NKAIN2: variants seen among roughly 807,000 people sequenced by gnomAD.
The protein encoded by NKAIN2 is sodium/potassium transporting ATPase interacting 2.
Under a neutral mutation model 32.6 loss-of-function variants are expected in NKAIN2, and 14 were observed. That is an observed-to-expected ratio of 0.43 (90% CI 0.28 to 0.67). The LOEUF (loss-of-function observed/expected upper bound fraction) is 0.67. Among genes scored for constraint, NKAIN2 ranks in the 30% least tolerant of loss-of-function variants. NKAIN2 has a pLI of 0.17. For missense variants in NKAIN2, 198 were observed against 258.3 expected, an observed-to-expected ratio of 0.77 and a Z score of 1.60; for synonymous variants, 80 against 87.2, an observed-to-expected ratio of 0.92 and a Z score of 0.46.
chr6:124,740,336 C>T (rs1241458979), intron 4 of NKAIN2, among the ~76,000 whole-genome samples: 2 of 151,682 alleles, frequency 1.3e-5, no homozygotes, highest in Non-Finnish European at 2.9e-5. Flanking sequence ...ATGCCAAGCT[C>T]TGTTTGAGGC....
chr6:123,846,356 T>C (rs1177523075), intron 1 of NKAIN2, among the ~76,000 whole-genome samples: 1 of 152,196 alleles, frequency 6.6e-6, no homozygotes, highest in Non-Finnish European at 1.5e-5. Context: ...TCTTAAAAAG[T>C]GAACCCTGAA....
At chr6:124,191,640 T>C (rs1790027459) in intron 1 of NKAIN2, among the ~76,000 whole-genome samples, 1 of 152,114 alleles carries the variant, frequency 6.6e-6, no homozygotes. Context: ...ACAATGTAAA[T>C]AGATATAATG....
intron 3 of NKAIN2, among the ~76,000 whole-genome samples, chr6:124,363,124 C>T (rs1049292026): frequency 2.6e-5 from 4 of 152,104 alleles, no homozygotes; most frequent in African/African-American, 9.7e-5. Context: ...CATGAGCCAC[C>T]ACGCTCAGCC....
intron 3 of NKAIN2, among the ~76,000 whole-genome samples, chr6:124,635,498 T>G (rs1783740795): frequency 6.6e-6 from 1 of 152,014 alleles, no homozygotes; most frequent in South Asian, 2.1e-4. Flanking sequence ...TGTAAACAGT[T>G]TAGGTTTCCC....
intron 3 of NKAIN2, among the ~76,000 whole-genome samples, chr6:124,395,956 C>A (rs1773359472): frequency 6.6e-6 from 1 of 152,054 alleles, no homozygotes; most frequent in South Asian, 2.1e-4. Flanking sequence ...TATTGAGTGA[C>A]CACTGTGTGC....
At chr6:123,843,773 C>T (rs951556293) in intron 1 of NKAIN2, among the ~76,000 whole-genome samples, 1 of 151,926 alleles carries the variant, frequency 6.6e-6, no homozygotes, top group African/African-American at 2.4e-5. Flanking sequence ...GTGGTGGCGA[C>T]GCAAGTTATG....
At chr6:124,322,444 T>C (rs911079464) in intron 2 of NKAIN2, among the ~76,000 whole-genome samples, 2 of 152,146 alleles carry the variant, frequency 1.3e-5, no homozygotes, top group African/African-American at 4.8e-5. Flanking sequence ...TGGCAAAATG[T>C]GTTGTGTAGT....
At chr6:124,482,691 A>G (rs779449880) in intron 3 of NKAIN2, among the ~76,000 whole-genome samples, 3 of 152,272 alleles carry the variant, frequency 2.0e-5, no homozygotes, top group Non-Finnish European at 4.4e-5. Flanking sequence ...ATATTCTGCC[A>G]TTCATTATTA....
rs529780731 is a variant in NKAIN2, at chr6:124,522,183, A to G, written c.274-136003A>G. On this transcript the variant is annotated intron_variant, in intron 3 of 6. Transcript: ENST00000368417. ...TTTTCTGGACCAGGGTTCGGCACAT[A>G]AAGCCACTAACATATATCTGTAAAG... is the stretch of plus-strand genomic sequence containing the variant. Among the ~76,000 whole-genome samples, 5 of 152,328 alleles carry G rather than the reference A, an allele frequency of 3.3e-5. No homozygotes were observed. In the East Asian group the frequency reaches 9.6e-4, roughly 29 times the overall value.
intron 2 of NKAIN2, among the ~76,000 whole-genome samples, chr6:124,348,805 T>C (rs1798573669): frequency 6.6e-6 from 1 of 152,168 alleles, no homozygotes; most frequent in African/African-American, 2.4e-5. Context: ...ATTGCCTCAC[T>C]GGGGAAGCTC....
chr6:124,366,086 C>A (rs116706031), intron 3 of NKAIN2, among the ~76,000 whole-genome samples: 2,586 of 151,964 alleles, frequency 0.017, 59 homozygotes, highest in African/African-American at 0.059. Context: ...AGTGAAAGAA[C>A]AACAAATGAA....
intron 1 of NKAIN2, among the ~76,000 whole-genome samples, chr6:123,867,877 T>G (rs1386529581): frequency 3.3e-5 from 5 of 151,106 alleles, no homozygotes; most frequent in Admixed American, 6.6e-5. Flanking sequence ...TTTTTTTTTT[T>G]TTTTTGTTTC....
chr6:124,176,556 AG>A (rs1333202327), intron 1 of NKAIN2, among the ~76,000 whole-genome samples: 1 of 152,162 alleles, frequency 6.6e-6, no homozygotes, highest in Non-Finnish European at 1.5e-5. Context: ...TCCTAATCTT[AG>A]GGGATAAACA....
chr6:123,930,633 A>C lies in NKAIN2; in HGVS notation c.54+126379A>C, dbSNP rs563880827. ...AGTTATATATTAGATACACAATTTA[A>C]TAGTATAACAAATCCCCTAGAATAG... On this transcript the variant is annotated intron_variant, in intron 1 of 6. Transcript: ENST00000368417. Among the ~76,000 whole-genome samples the C allele has an allele frequency of 2.6e-5, 4 of 152,302 alleles. No individual in the cohort carries two copies. In the South Asian group the frequency reaches 8.3e-4, roughly 32 times the overall value.
Position 124,786,870 on chromosome 6 carries a change from A to T in NKAIN2, c.475-4469A>T, listed in dbSNP as rs1779525937. On this transcript the variant is annotated intron_variant, in intron 4 of 6. Coordinates refer to ENST00000368417, the MANE Select transcript of NKAIN2 (RefSeq NM_001040214.3). ...TAAAATTATTTTCTTTCAATTGAAG[A>T]TACTCATATCTACTCTAACAACATG... 2.0e-5 allele frequency among the ~76,000 whole-genome samples: 3 copies of T among 152,244 alleles called. No individual in the cohort carries two copies. In the South Asian group the frequency reaches 6.2e-4, roughly 32 times the overall value.
chr6:123,951,000 T>A, intron 1 of NKAIN2, among the ~76,000 whole-genome samples: 1 of 152,006 alleles, frequency 6.6e-6, no homozygotes, highest in East Asian at 1.9e-4. Flanking sequence ...TTTTTATTTA[T>A]GTCAAGAAAT....
At chr6:124,139,092 T>TTTTTTTTC (rs1334205023) in intron 1 of NKAIN2, among the ~76,000 whole-genome samples, 3 of 133,442 alleles carry the variant, frequency 2.2e-5, no homozygotes, top group Admixed American at 7.6e-5. Flanking sequence ...TTTTTTTTTT[T>TTTTTTTTC]TTTTTTTGAG....
At chr6:124,564,583 T>G (rs1780830909) in intron 3 of NKAIN2, among the ~76,000 whole-genome samples, 1 of 152,208 alleles carries the variant, frequency 6.6e-6, no homozygotes, top group Admixed American at 6.5e-5. Context: ...TTGCTGCTGC[T>G]TACTCTTTGT....
intron 3 of NKAIN2, among the ~76,000 whole-genome samples, chr6:124,457,779 A>C (rs1188122725): frequency 6.6e-6 from 1 of 151,930 alleles, no homozygotes; most frequent in African/African-American, 2.4e-5. Flanking sequence ...GCCAGGTGCC[A>C]AGATGCTGAG....
Sources: allele counts gnomAD v4.1 joint callset (sites outside exome capture counted in the v4.1 genomes callset), GRCh38; gene constraint gnomAD v4.1.1; transcripts MANE v1.5; gene names NCBI Gene and HGNC (gene_info 2026-07-23, HGNC 2026-07-21).